Variants in FGGY observed in about 807,000 individuals in gnomAD.
FGGY encodes the protein FGGY carbohydrate kinase domain-containing protein.
Under a neutral mutation model 71.3 loss-of-function variants are expected in FGGY, and 72 were observed. The ratio of observed to expected loss-of-function variants is 1.01; its 90% CI spans 0.84 to 1.23. FGGY has a LOEUF of 1.23. FGGY is among the 50% of genes most tolerant of loss of function. The pLI, the probability that FGGY is intolerant of heterozygous loss-of-function variation, is 0.00. For missense variants in FGGY, 668 were observed against 682.3 expected (o/e 0.98, Z 0.23); for synonymous variants, 251 against 250.3 (o/e 1.00, Z -0.02).
chr1:59,366,093 TAA>T (rs923244491), intron 4 of FGGY, among the ~76,000 whole-genome samples: 60 of 152,330 alleles, frequency 3.9e-4, no homozygotes, highest in African/African-American at 1.3e-3. Flanking sequence ...GAGTTTTCAT[TAA>T]AATGATAGCA....
chr1:59,429,734 G>A (rs1031504401), intron 5 of FGGY, among the ~76,000 whole-genome samples: 17 of 152,226 alleles, frequency 1.1e-4, no homozygotes, highest in African/African-American at 2.4e-4. Flanking sequence ...CACACGTGAC[G>A]CACATATTTT....
At chr1:59,713,879 A>G (rs751929882) in intron 14 of FGGY, among the ~76,000 whole-genome samples, 1 of 152,202 alleles carries the variant, frequency 6.6e-6, no homozygotes, top group Non-Finnish European at 1.5e-5. Context: ...TTCTAGGTAT[A>G]TCTTTGCTTT....
At chr1:59,646,748 C>T (rs1049959893) in intron 11 of FGGY, among the ~76,000 whole-genome samples, 3 of 151,900 alleles carry the variant, frequency 2.0e-5, no homozygotes, top group East Asian at 1.9e-4. Flanking sequence ...AGAGAGAAAC[C>T]GAGGCTCAAG....
intron 5 of FGGY, among the ~76,000 whole-genome samples, chr1:59,416,909 T>C (rs2064538599): frequency 6.6e-6 from 1 of 152,214 alleles, no homozygotes; most frequent in African/African-American, 2.4e-5. Flanking sequence ...GGCTTAAACC[T>C]GCACATTCCA....
chr1:59,522,938 G>T (rs2094876373), intron 7 of FGGY, among the ~76,000 whole-genome samples: 1 of 152,166 alleles, frequency 6.6e-6, no homozygotes. Flanking sequence ...AACAAGCTCT[G>T]ATCATCTCAT....
At chr1:59,711,813 G>T (rs1221422228) in intron 14 of FGGY, among the ~76,000 whole-genome samples, 2 of 152,110 alleles carry the variant, frequency 1.3e-5, no homozygotes, top group African/African-American at 4.8e-5. Flanking sequence ...CTCCCTCCAG[G>T]TCCCTCCCAC....
intron 4 of FGGY, among the ~76,000 whole-genome samples, chr1:59,373,294 C>T (rs28816981): frequency 0.19 from 29,033 of 151,922 alleles, 3,273 homozygotes; most frequent in East Asian, 0.35. Flanking sequence ...CATGAGTGAA[C>T]TCCCATTCAC....
chr1:59,484,419 A>G (rs999841126), intron 6 of FGGY, among the ~76,000 whole-genome samples: 11 of 152,176 alleles, frequency 7.2e-5, no homozygotes, highest in African/African-American at 2.7e-4. Flanking sequence ...TGGGCCTTAA[A>G]GGAATACCTT....
chr1:59,685,534 A>G (rs1045207481), intron 14 of FGGY, among the ~76,000 whole-genome samples: 1 of 152,230 alleles, frequency 6.6e-6, no homozygotes, highest in Non-Finnish European at 1.5e-5. Flanking sequence ...ACATATATAT[A>G]CATATAAACA....
At chr1:59,477,678 A>T (rs2093321765) in intron 6 of FGGY, among the ~76,000 whole-genome samples, 2 of 152,270 alleles carry the variant, frequency 1.3e-5, no homozygotes, top group South Asian at 4.1e-4. Context: ...ATCTATTATG[A>T]GGGGGGAAAA....
chr1:59,632,817 G>C (rs2096920297), intron 10 of FGGY, among the ~76,000 whole-genome samples: 1 of 152,044 alleles, frequency 6.6e-6, no homozygotes, highest in African/African-American at 2.4e-5. Context: ...CCGTCATTCT[G>C]ATAACTGGGG....
At chr1:59,721,243 ATATTT>A (rs749468045) in intron 14 of FGGY, among the ~76,000 whole-genome samples, 10 of 151,436 alleles carry the variant, frequency 6.6e-5, no homozygotes, top group Non-Finnish European at 1.2e-4. Context: ...ACATGACCAT[ATATTT>A]TATTTTAATA....
At chr1:59,297,537 AAGG>A (rs1460020840) in intron 1 of FGGY, among the ~76,000 whole-genome samples, 1 of 152,226 alleles carries the variant, frequency 6.6e-6, no homozygotes, top group African/African-American at 2.4e-5. Context: ...AAAGATTGAC[AAGG>A]GGCCGGGCGC....
At chr1:59,297,799 G>C (rs1343069772) in intron 1 of FGGY, among the ~76,000 whole-genome samples, 4 of 151,538 alleles carry the variant, frequency 2.6e-5, no homozygotes, top group Non-Finnish European at 4.4e-5. Flanking sequence ...CTCCAGCCTG[G>C]GGGACAGAGC....
At chr1:59,410,397 T>C (rs983128746) in intron 5 of FGGY, among the ~76,000 whole-genome samples, 5 of 152,140 alleles carry the variant, frequency 3.3e-5, no homozygotes, top group Non-Finnish European at 7.4e-5. Flanking sequence ...AAAGGTTGAG[T>C]CACTTGCTTG....
At chr1:59,680,360 A>G (rs757157934) in intron 14 of FGGY, among the ~76,000 whole-genome samples, 7 of 152,066 alleles carry the variant, frequency 4.6e-5, no homozygotes, top group Non-Finnish European at 5.9e-5. Flanking sequence ...TGGTATAATA[A>G]TTAATAATTG....
At chr1:59,449,512 T>G (rs1235585817) in intron 5 of FGGY, among the ~76,000 whole-genome samples, 1 of 152,200 alleles carries the variant, frequency 6.6e-6, no homozygotes. Flanking sequence ...CTCGAACTCC[T>G]GACCTTGTGA....
At chr1:59,342,997 C>T (rs946635643) in intron 3 of FGGY, among the ~76,000 whole-genome samples, 4 of 152,110 alleles carry the variant, frequency 2.6e-5, no homozygotes, top group Admixed American at 2.0e-4. Flanking sequence ...TGCTTCCTAC[C>T]CCTGCCACTG....
At chr1:59,602,650 T>C (rs1031040078) in intron 8 of FGGY, among the ~76,000 whole-genome samples, 3 of 152,214 alleles carry the variant, frequency 2.0e-5, no homozygotes, top group Non-Finnish European at 4.4e-5. Flanking sequence ...CTGAGCCTTG[T>C]CTACATGACT....
Sources: allele counts gnomAD v4.1 joint callset (sites outside exome capture counted in the v4.1 genomes callset), GRCh38; gene constraint gnomAD v4.1.1; transcripts MANE v1.5; gene names NCBI Gene and HGNC (gene_info 2026-07-23, HGNC 2026-07-21).